The following LONP1 variants were observed in gnomAD, a reference collection of about 807,000 sequenced individuals.
LONP1 encodes the protein lon protease homolog, mitochondrial.
LONP1 carries 31 observed loss-of-function variants against 98.5 expected under a neutral mutation model. The observed-to-expected ratio is 0.31, with a 90% CI of 0.24 to 0.42. The LOEUF is 0.42. Ranked by LOEUF, LONP1 falls within the 20% of genes least tolerant of loss-of-function variation. The pLI is 1.00. For synonymous variants in LONP1, 781 were observed against 594.7 expected (o/e 1.31, Z -4.56); for missense variants, 1,336 against 1,350.6 (o/e 0.99, Z 0.17).
chr19:5,708,538 C>A, intron 4 of LONP1, 135 bp from the exon 5 acceptor site: 2 of 379,348 alleles, frequency 5.3e-6, no homozygotes, highest in South Asian at 5.3e-5. Context: ...GCCCTGGCCA[C>A]GGACGGCCTG....
chr19:5,702,285 G>GC, intron 8 of LONP1, among the ~76,000 whole-genome samples: 1 of 135,632 alleles, frequency 7.4e-6, no homozygotes, highest in South Asian at 2.4e-4. Flanking sequence ...CAGGCCAGCT[G>GC]CCCCATCCGG....
intron 7 of LONP1, 109 bp from the exon 8 acceptor site, chr19:5,706,101 G>A (rs2055141477): frequency 4.2e-6 from 3 of 719,410 alleles, no homozygotes; most frequent in South Asian, 1.7e-5. Flanking sequence ...AGAGAGAAAA[G>A]AAACGAAACC....
chr19:5,694,314 A>G, intron 15 of LONP1, 73 bp downstream of exon 15: 1 of 1,580,928 alleles, frequency 6.3e-7, no homozygotes, highest in Non-Finnish European at 8.6e-7. Flanking sequence ...GCACAGGTGT[A>G]CAAGGTGGGA....
At chr19:5,697,512 G>C (rs140367299) in intron 10 of LONP1, among the ~76,000 whole-genome samples, 3,960 of 144,082 alleles carry the variant, frequency 0.027, 76 homozygotes, top group Non-Finnish European at 0.045. Context: ...GAGGAGGGGG[G>C]GAGAGAAGAG....
chr19:5,700,249 G>C (rs1001171269), intron 9 of LONP1, among the ~76,000 whole-genome samples: 1 of 152,192 alleles, frequency 6.6e-6, no homozygotes, highest in African/African-American at 2.4e-5. Flanking sequence ...AAGTAGCTGG[G>C]ATTACAGGCA....
rs575547847 is a variant in LONP1 at position 5,692,692 on chromosome 19, C to T, written c.2704-484G>A. Among the ~76,000 whole-genome samples the T allele has an allele frequency of 9.2e-5, 14 of 152,304 alleles. No homozygotes were observed. The South Asian group carries it at 1.5e-3, about 16-fold the overall frequency. Reference sequence around the variant, plus strand: ...AAAGGACAGCAGTTCCCACTGTCACCGCACACTGACTCCATGGACAGTGAG... The same window carrying T: ...AAAGGACAGCAGTTCCCACTGTCACTGCACACTGACTCCATGGACAGTGAG... On this transcript the variant is annotated intron_variant, in intron 17 of 17. Transcript: ENST00000360614.
chr19:5,710,809 C>T (rs574726107), intron 4 of LONP1, among the ~76,000 whole-genome samples: 11 of 152,022 alleles, frequency 7.2e-5, no homozygotes, highest in Admixed American at 5.9e-4. Context: ...GCGGATCACC[C>T]GAGGTCAGGA....
rs912759453 is a variant in LONP1 at position 5,707,198 on chromosome 19, A to AG, written c.1063-56dup. The AG allele has an allele frequency of 3.9e-5, 56 of 1,453,532 alleles. No individual in the cohort carries two copies. The African/African-American group carries it at 7.2e-4, about 19-fold the overall frequency. 90.0% of individuals were successfully genotyped at this position (1,453,532 alleles called of 1,614,324 possible). A position where few individuals can be genotyped will look rare whatever the true frequency, so the allele number is the denominator to read the frequency against. ...AGCAGAAGTCGGCATCTGTGTGTGT[A>AG]GGGCCGAGGTTGGGGGAAAATGCGC... On this transcript the variant is annotated intron_variant, in intron 6 of 17. Transcript: ENST00000360614.
chr19:5,695,052 CT>C, intron 13 of LONP1, 151 bp from the exon 14 acceptor site: 1 of 895,152 alleles, frequency 1.1e-6, no homozygotes, highest in South Asian at 1.9e-5. Flanking sequence ...ACACCCCGCC[CT>C]GCCACCCACC....
At chr19:5,705,008 A>G (rs2055120836) in intron 8 of LONP1, among the ~76,000 whole-genome samples, 1 of 152,052 alleles carries the variant, frequency 6.6e-6, no homozygotes, top group Non-Finnish European at 1.5e-5. Flanking sequence ...TAAAAATACT[A>G]AAAATTAGCT....
Position 5,720,093 on chromosome 19 carries a change from C to CCCG in LONP1, c.39_40insCGG (p.Ala13_Ala14insArg). ...GGCCGCCGCAGCACCCAGCACCGCG[C>CCCG]CGCTCCCCACAGTCGCACGTAGCCA... On this transcript the variant is annotated inframe_insertion, in exon 1 of 18. Transcript: ENST00000360614. The CCCG allele has an allele frequency of 6.7e-7, 1 of 1,481,950 alleles. No individual in the cohort carries two copies. Among genetic ancestry groups the CCCG allele is most frequent in the Non-Finnish European group, 8.9e-7 (1 of 1,127,098 alleles). The allele number at this position is 1,481,950 out of a possible 1,614,324, so 91.8% of individuals were successfully genotyped here. A position where few individuals can be genotyped will look rare whatever the true frequency, so the allele number is the denominator to read the frequency against.
intron 5 of LONP1, 155 bp from the exon 6 acceptor site, chr19:5,707,981 TC>T (rs1328503209): frequency 1.2e-6 from 1 of 864,444 alleles, no homozygotes; most frequent in East Asian, 2.7e-5. Flanking sequence ...CTGCTTGTTC[TC>T]CAGAGTTCAG....
At position 5,691,978 on chromosome 19, in the gene LONP1, A is replaced by AGTTCTGGCCCAGACAGGGCCTGACATCCT; in HGVS notation, c.*53_*54insAGGATGTCAGGCCCTGTCTGGGCCAGAAC. 1 of 1,570,776 alleles carries AGTTCTGGCCCAGACAGGGCCTGACATCCT rather than the reference A, an allele frequency of 6.4e-7. No homozygotes were observed. The highest frequency in any genetic ancestry group is 8.6e-7 in the Non-Finnish European group (1 of 1,157,738). The stretch of plus-strand genomic sequence containing the variant: ...TCCGGGCGCGCTCCCCACAGCGCTC[A>AGTTCTGGCCCAGACAGGGCCTGACATCCT]GTTCTGGCCCAGACAGGGCCTGACA... On this transcript the variant is annotated 3_prime_UTR_variant, in exon 18 of 18. Coordinates refer to ENST00000360614, the MANE Select transcript of LONP1 (RefSeq NM_004793.4).
chr19:5,693,694 C>G lies in LONP1; in HGVS notation c.2396G>C (p.Ser799Thr), dbSNP rs890065978. 6.2e-7 allele frequency: 1 copy of G among 1,614,134 alleles called. No individual in the cohort carries two copies. Among genetic ancestry groups the G allele is most frequent in the Admixed American group, 1.7e-5 (1 of 60,030 alleles). ...CCCCAGCTGGCCTGTCACCTCCAGGCTGCCATCCTTGTCACCCTTGGCATC... is the reference window on the plus strand; with the variant it reads ...CCCCAGCTGGCCTGTCACCTCCAGGGTGCCATCCTTGTCACCCTTGGCATC... ...DKDAKGDKDG[S>T]LEVTGQLGEV... The change falls in exon 16 of 18, where the codon AGC becomes ACC. Residue 799 changes from serine (S) to threonine (T), a missense_variant. Coordinates refer to ENST00000360614, the MANE Select transcript of LONP1 (RefSeq NM_004793.4).
Position 5,715,903 on chromosome 19 carries a change from C to T in LONP1, c.430-1632G>A, listed in dbSNP as rs182192894. ...CTCCAATTTTCATTGACAGTTACTTCCTTATCACATCATATGCTGTTCATT... is the reference window on the plus strand; with the variant it reads ...CTCCAATTTTCATTGACAGTTACTTTCTTATCACATCATATGCTGTTCATT... On this transcript the variant is annotated intron_variant, in intron 1 of 17. Transcript: ENST00000360614. 4.3e-4 allele frequency among the ~76,000 whole-genome samples: 66 copies of T among 152,004 alleles called. 1 individual carries two copies. The highest frequency in any genetic ancestry group is 1.5e-3 in the African/African-American group (63 of 41,496).
chr19:5,704,147 C>G (rs970231727), intron 8 of LONP1, among the ~76,000 whole-genome samples: 2 of 152,126 alleles, frequency 1.3e-5, no homozygotes, highest in Non-Finnish European at 2.9e-5. Context: ...GAGAGACTGA[C>G]TGGAAGAGGC....
At chr19:5,698,355 A>G (rs1046963627) in intron 10 of LONP1, among the ~76,000 whole-genome samples, 1 of 152,200 alleles carries the variant, frequency 6.6e-6, no homozygotes, top group Middle Eastern at 3.2e-3. Context: ...GACTCAGCAG[A>G]TGCCTCACAC....
chr19:5,700,663 C>G, intron 9 of LONP1, 126 bp downstream of exon 9: 1 of 1,341,740 alleles, frequency 7.5e-7, no homozygotes, highest in Non-Finnish European at 1.0e-6. Context: ...GGGATCCCCC[C>G]GACCAGCACC....
At chr19:5,718,172 C>T (rs1312989501) in intron 1 of LONP1, among the ~76,000 whole-genome samples, 2 of 152,056 alleles carry the variant, frequency 1.3e-5, no homozygotes, top group South Asian at 2.1e-4. Context: ...GTAACCAGTA[C>T]TCAACATCAA....
Sources: allele counts gnomAD v4.1 joint callset (sites outside exome capture counted in the v4.1 genomes callset), GRCh38; gene constraint gnomAD v4.1.1; transcripts MANE v1.5; gene names NCBI Gene and HGNC (gene_info 2026-07-23, HGNC 2026-07-21).